Variants in PTPRS observed in about 807,000 individuals in gnomAD.
PTPRS encodes receptor-type tyrosine-protein phosphatase S.
A neutral mutation model predicts 215.3 loss-of-function variants in PTPRS; 63 were observed. The observed-to-expected ratio is 0.29, with a 90% CI of 0.24 to 0.36. The LOEUF is 0.36. Among genes scored for constraint, PTPRS ranks in the 10% least tolerant of loss-of-function variants. The pLI is 1.00. For synonymous variants in PTPRS, 1,404 were observed against 1,191.4 expected (o/e 1.18, Z -3.68); for missense variants, 2,258 against 2,825.8 (o/e 0.80, Z 4.56).
chr19:5,242,408 G>A (rs1009151085), intron 11 of PTPRS, among the ~76,000 whole-genome samples: 1 of 151,790 alleles, frequency 6.6e-6, no homozygotes, highest in African/African-American at 2.4e-5. Flanking sequence ...GCAGGGTCTC[G>A]CTCTGTTGCC....
chr19:5,257,736 G>A lies in PTPRS; in HGVS notation c.706+281C>T, dbSNP rs1001814605. Among the ~76,000 whole-genome samples the A allele has an allele frequency of 3.3e-5, 5 of 152,126 alleles. No homozygotes were observed. Among genetic ancestry groups the A allele is most frequent in the Non-Finnish European group, 7.4e-5 (5 of 68,006 alleles). ...GACTGACCCCCTCACCCTGCCCCACGCCTTCCTACCCCACCATCACTGCCT... is the reference window on the plus strand; with the variant it reads ...GACTGACCCCCTCACCCTGCCCCACACCTTCCTACCCCACCATCACTGCCT... On this transcript the variant is annotated intron_variant, in intron 8 of 37. Coordinates refer to ENST00000262963, the MANE Select transcript of PTPRS (RefSeq NM_002850.4). This position sits in a 1 kb window ranked among gnomAD's most constrained non-coding sequence, Gnocchi z 4.4.
intron 7 of PTPRS, among the ~76,000 whole-genome samples, chr19:5,258,362 C>A (rs2045735023): frequency 6.6e-6 from 1 of 152,244 alleles, no homozygotes; most frequent in African/African-American, 2.4e-5. Flanking sequence ...AAATTCTCCA[C>A]TCACAGTGGA....
At chr19:5,227,806 T>C (rs1160149032) in intron 16 of PTPRS, among the ~76,000 whole-genome samples, 4 of 152,076 alleles carry the variant, frequency 2.6e-5, no homozygotes, top group African/African-American at 7.2e-5. Context: ...ATCTAGCACA[T>C]AGTAGGTGCT....
intron 5 of PTPRS, 90 bp from the exon 6 acceptor site, chr19:5,263,062 G>A (rs1400915792): frequency 2.0e-5 from 13 of 647,298 alleles, no homozygotes; most frequent in South Asian, 1.8e-4. Context: ...GAGGAGGGGA[G>A]GGCGGGGGAG....
chr19:5,238,377 C>G (rs890508001), intron 13 of PTPRS, among the ~76,000 whole-genome samples: 2 of 152,136 alleles, frequency 1.3e-5, no homozygotes, highest in Non-Finnish European at 2.9e-5. Context: ...GATTCCACCC[C>G]CTCCCCACCC....
chr19:5,269,053 T>G (rs1380656114), intron 4 of PTPRS, among the ~76,000 whole-genome samples: 2 of 152,126 alleles, frequency 1.3e-5, no homozygotes, highest in Non-Finnish European at 2.9e-5. Flanking sequence ...CTCACTCAAT[T>G]GGTCTTGGTG....
At position 5,222,834 on chromosome 19, in the gene PTPRS, C is replaced by T. The variant is rs199734331; in HGVS notation, c.2958G>A (p.Ala986=). The stretch of plus-strand genomic sequence containing the variant: ...GCGCGTTCTCCGCGCCCGGCTCAGC[C>T]GCTGCCGGCAGCTCAGTCTCTCGGG... ...GPARETELPA[A]AEPGAENALT... is the part of the protein sequence containing the mutation. The change falls in exon 18 of 38, where the codon GCG becomes GCA. Residue 986 remains alanine, a synonymous_variant. Transcript: ENST00000262963. The T allele has an allele frequency of 2.1e-4, 332 of 1,594,526 alleles. No individual in the cohort carries two copies. Among genetic ancestry groups the T allele is most frequent in the East Asian group, 7.9e-4 (35 of 44,550 alleles).
At position 5,212,229 on chromosome 19, in the gene PTPRS, G is replaced by A; in HGVS notation, c.4791C>T (p.Gly1597=). ...VHCSAGVGRT[G]CFIVIDAMLE... is the part of the protein sequence containing the mutation. ...GCATGGCGTCGATGACGATAAAGCA[G>A]CCTGTGCGGCCCACACCGGCACTGC... Residue 1597 remains glycine (G), a synonymous_variant, in exon 32 of 38, where the codon GGC becomes GGT. Transcript: ENST00000262963. 6.2e-7 allele frequency: 1 copy of A among 1,612,114 alleles called. No homozygotes were observed. Among genetic ancestry groups the A allele is most frequent in the South Asian group, 1.1e-5 (1 of 91,070 alleles).
intron 1 of PTPRS, among the ~76,000 whole-genome samples, chr19:5,328,371 A>C (rs978169285): frequency 1.3e-5 from 2 of 151,872 alleles, no homozygotes; most frequent in Admixed American, 6.6e-5. Flanking sequence ...CGGCCTCCCA[A>C]AGCGCTGGGA....
intron 35 of PTPRS, 61 bp from the exon 36 acceptor site, chr19:5,208,452 C>T: frequency 7.2e-7 from 1 of 1,390,150 alleles, no homozygotes; most frequent in South Asian, 1.6e-5. Flanking sequence ...GGTTTTTCTC[C>T]ATCCTCCCTA....
chr19:5,260,830 G>A lies in PTPRS; in HGVS notation c.578-8C>T, dbSNP rs546837247. On this transcript the variant is annotated splice_region_variant and splice_polypyrimidine_tract_variant and intron_variant, in intron 6 of 37. Coordinates refer to ENST00000262963, the MANE Select transcript of PTPRS (RefSeq NM_002850.4). ...CTCGAATCGGAGTGCTTTCTGTAAG[G>A]GAAGCAGAGAGAACCAGGTGAATGT... is the stretch of plus-strand genomic sequence containing the variant. 1.2e-6 allele frequency: 2 copies of A among 1,613,416 alleles called. No homozygotes were observed. The highest frequency in any genetic ancestry group is 1.1e-5 in the South Asian group (1 of 91,018).
In PTPRS at chr19:5,257,926, G is replaced by A. The variant is rs2045694421; in HGVS notation, c.706+91C>T. On this transcript the variant is annotated intron_variant, in intron 8 of 37. Coordinates refer to ENST00000262963, the MANE Select transcript of PTPRS (RefSeq NM_002850.4). This position sits in a 1 kb window ranked among gnomAD's most constrained non-coding sequence, Gnocchi z 4.4. ...GGCCTTCCTGCTTGGGTGTGCAGGGGACGGGGGAGCCCGGAGGCGGTGAGC... is the reference window on the plus strand; with the variant it reads ...GGCCTTCCTGCTTGGGTGTGCAGGGAACGGGGGAGCCCGGAGGCGGTGAGC... 5.3e-6 allele frequency: 6 copies of A among 1,134,936 alleles called. No individual in the cohort carries two copies. Among genetic ancestry groups the A allele is most frequent in the Admixed American group, 1.8e-5 (1 of 54,272 alleles). 70.3% of individuals were successfully genotyped at this position (1,134,936 alleles called of 1,614,324 possible). A position where few individuals can be genotyped will look rare whatever the true frequency, so the allele number is the denominator to read the frequency against.
At chr19:5,280,884 C>T (rs2047793053) in intron 2 of PTPRS, among the ~76,000 whole-genome samples, 2 of 151,732 alleles carry the variant, frequency 1.3e-5, no homozygotes, top group Admixed American at 1.3e-4. Context: ...CTCCGCCTCC[C>T]AGGTTCAAGT....
rs112854602 is a variant in PTPRS at position 5,268,738 on chromosome 19, T to C, written c.380-3542A>G. ...TGTGATCTCCTCCAAGCCTTTTCCA[T>C]AGAGGGGGAAACGGAGGCACAGGCA... On this transcript the variant is annotated intron_variant, in intron 4 of 37. Transcript: ENST00000262963. Among the ~76,000 whole-genome samples, 266 of 152,198 alleles carry C rather than the reference T, an allele frequency of 1.7e-3. 3 individuals are homozygous for C. Among genetic ancestry groups the C allele is most frequent in the African/African-American group, 5.6e-3 (233 of 41,544 alleles).
chr19:5,250,659 TGGGGTGGG>T (rs1275976961), intron 9 of PTPRS, among the ~76,000 whole-genome samples: 2 of 3,738 alleles, frequency 5.4e-4, no homozygotes, highest in African/African-American at 1.1e-3. Flanking sequence ...GGGTGGGCGG[TGGGGTGGG>T]GGGGTGGCAG....
chr19:5,302,977 G>A (rs935868575), intron 1 of PTPRS, among the ~76,000 whole-genome samples: 16 of 152,052 alleles, frequency 1.1e-4, no homozygotes, highest in African/African-American at 3.4e-4. Context: ...GGCTGAGGCA[G>A]GAGAATGGTG....
rs199537040 is a variant in PTPRS at position 5,265,192 on chromosome 19, G to A, written c.384C>T (p.Asp128=). Reference sequence around the variant, plus strand: ...TGTTGGGGAAGCCAGAGGGCAGCTGGTCCTCTGAGGGCAGAGACGTGAGAG... The same window carrying A: ...TGTTGGGGAAGCCAGAGGGCAGCTGATCCTCTGAGGGCAGAGACGTGAGAG... ...VHAKLTVLRE[D]QLPSGFPNID... Residue 128 remains aspartate, a synonymous_variant, in exon 5 of 38, where the codon GAC becomes GAT. Coordinates refer to ENST00000262963, the MANE Select transcript of PTPRS (RefSeq NM_002850.4). The A allele has an allele frequency of 1.9e-6, 3 of 1,613,270 alleles. No homozygotes were observed. In the East Asian group the frequency reaches 6.7e-5, roughly 36 times the overall value.
chr19:5,251,834 G>C (rs1035957117), intron 9 of PTPRS, among the ~76,000 whole-genome samples: 3 of 152,124 alleles, frequency 2.0e-5, no homozygotes, highest in African/African-American at 7.2e-5. Flanking sequence ...GGTTAAGCCA[G>C]CGGCCTTAGG....
intron 1 of PTPRS, among the ~76,000 whole-genome samples, chr19:5,332,278 C>T (rs1042361241): frequency 6.6e-6 from 1 of 152,164 alleles, no homozygotes; most frequent in Non-Finnish European, 1.5e-5. Flanking sequence ...CAGGTATGCA[C>T]CACCATGCCC....
Sources: gnomAD v4.1 joint callset for allele counts (sites outside exome capture counted in the v4.1 genomes callset) on GRCh38, gnomAD v4.1.1 for gene constraint, Gnocchi (gnomAD v3.1) non-coding constraint, MANE v1.5 for transcripts, NCBI Gene and HGNC (gene_info 2026-07-23, HGNC 2026-07-21) for gene names.